The following APBA2 variants were observed in gnomAD, a reference collection of about 807,000 sequenced individuals.
APBA2 encodes the protein amyloid beta precursor protein binding family A member 2.
In APBA2, 30 loss-of-function variants were observed where a neutral mutation model predicts 75.0. That is an observed-to-expected ratio of 0.40 (90% CI 0.30 to 0.54). The LOEUF is 0.54. Among genes scored for constraint, APBA2 ranks in the 20% least tolerant of loss-of-function variants. APBA2 has a pLI of 0.49. For synonymous variants in APBA2, 444 were observed against 409.6 expected (o/e 1.08, Z -1.01); for missense variants, 801 against 1,016.1 (o/e 0.79, Z 2.88).
In APBA2 at chr15:29,045,245, ATT is replaced by A. The variant is rs35591033; in HGVS notation, c.-40-8583_-40-8582del. 3.6e-3 allele frequency among the ~76,000 whole-genome samples: 487 copies of A among 134,274 alleles called. 4 individuals are homozygous for A. Among genetic ancestry groups the A allele is most frequent in the African/African-American group, 0.012 (439 of 35,552 alleles). The allele number at this position is 134,274 out of a possible 152,430, so 88.1% of individuals were successfully genotyped here. On this transcript the variant is annotated intron_variant, in intron 3 of 14. Coordinates refer to ENST00000683413, the MANE Select transcript of APBA2 (RefSeq NM_001353788.2). ...AGGTGCACGCCACCATGCCTGGCTA[ATT>A]TTTTTTTTTTTTTTTTGTATTTTTA...
At position 29,072,592 on chromosome 15, in the gene APBA2, A is replaced by G. The variant is rs115109619; in HGVS notation, c.952-2329A>G. ...TGCAGAAAGGGGCGCTGTCTGCTCC[A>G]CTTGGTCAGTGCAGGGTCTACTGCA... On this transcript the variant is annotated intron_variant, in intron 4 of 14. Transcript: ENST00000683413. Among the ~76,000 whole-genome samples, 688 of 151,898 alleles carry G rather than the reference A, an allele frequency of 4.5e-3. 7 individuals are homozygous for G. Among genetic ancestry groups the G allele is most frequent in the African/African-American group, 0.015 (639 of 41,408 alleles).
At chr15:28,999,462 TG>T (rs1265379016) in intron 3 of APBA2, among the ~76,000 whole-genome samples, 1 of 152,202 alleles carries the variant, frequency 6.6e-6, no homozygotes, top group Non-Finnish European at 1.5e-5. Context: ...AATAGACAAA[TG>T]AACTCTGCCT....
At chr15:28,907,607 G>A (rs2033195763) in intron 1 of APBA2, among the ~76,000 whole-genome samples, 1 of 152,232 alleles carries the variant, frequency 6.6e-6, no homozygotes, top group Non-Finnish European at 1.5e-5. Context: ...CGGTGTCTCT[G>A]CACCTAAGTG....
intron 5 of APBA2, among the ~76,000 whole-genome samples, chr15:29,075,827 C>T (rs1377145820): frequency 6.6e-6 from 1 of 152,078 alleles, no homozygotes; most frequent in East Asian, 1.9e-4. Flanking sequence ...ATATGCTAGT[C>T]TGAGGGCCCC....
chr15:28,966,385 A>AT (rs1472073549), intron 2 of APBA2, among the ~76,000 whole-genome samples: 4 of 152,066 alleles, frequency 2.6e-5, no homozygotes, highest in Non-Finnish European at 5.9e-5. Context: ...GGGGGTACGC[A>AT]TTTAGAATTT....
At chr15:29,027,173 T>A (rs2040263814) in intron 3 of APBA2, among the ~76,000 whole-genome samples, 2 of 152,240 alleles carry the variant, frequency 1.3e-5, no homozygotes, top group African/African-American at 4.8e-5. Flanking sequence ...TATCCTTTCA[T>A]AAAATAAATT....
chr15:28,980,033 A>G (rs1442864341), intron 2 of APBA2, among the ~76,000 whole-genome samples: 1 of 152,210 alleles, frequency 6.6e-6, no homozygotes, highest in African/African-American at 2.4e-5. Flanking sequence ...GCCGGGGTCA[A>G]AGCTGTCTTT....
At chr15:29,032,471 G>A (rs566557039) in intron 3 of APBA2, among the ~76,000 whole-genome samples, 2 of 152,352 alleles carry the variant, frequency 1.3e-5, no homozygotes, top group African/African-American at 4.8e-5. Flanking sequence ...CTGCCCTGCA[G>A]ATTTCAGATT....
At position 28,962,191 on chromosome 15, in the gene APBA2, C is replaced by G. The variant is rs539856672; in HGVS notation, c.-94-33562C>G. 1.8e-3 allele frequency among the ~76,000 whole-genome samples: 278 copies of G among 152,224 alleles called. 1 individual carries two copies. Among genetic ancestry groups the G allele is most frequent in the African/African-American group, 6.4e-3 (264 of 41,518 alleles). On this transcript the variant is annotated intron_variant, in intron 2 of 14. Transcript: ENST00000683413. ...CTGGTGGTAGTGTCTTCATATTGGC[C>G]TCTGAGACCTTCTGACCTGATTCTA...
At chr15:28,992,001 C>T (rs539162449) in intron 2 of APBA2, among the ~76,000 whole-genome samples, 6 of 152,230 alleles carry the variant, frequency 3.9e-5, no homozygotes, top group South Asian at 2.1e-4. Flanking sequence ...TGTGCCTTCC[C>T]GGGACAGCTT....
chr15:29,033,674 C>A (rs553547397), intron 3 of APBA2, among the ~76,000 whole-genome samples: 10 of 152,110 alleles, frequency 6.6e-5, no homozygotes, highest in Non-Finnish European at 1.5e-4. Context: ...AAAGAAGGAA[C>A]ACCTGGCTGG....
At chr15:29,058,115 C>T (rs1019805026) in intron 4 of APBA2, among the ~76,000 whole-genome samples, 2 of 152,206 alleles carry the variant, frequency 1.3e-5, no homozygotes, top group African/African-American at 4.8e-5. Context: ...TGTGACCCCT[C>T]CACCTCCTTT....
intron 2 of APBA2, among the ~76,000 whole-genome samples, chr15:28,928,934 G>A (rs1271589256): frequency 6.6e-6 from 1 of 152,182 alleles, no homozygotes; most frequent in African/African-American, 2.4e-5. Flanking sequence ...TGGCCCTGGA[G>A]GCTCTGTTCC....
intron 5 of APBA2, among the ~76,000 whole-genome samples, chr15:29,075,588 TAACA>T (rs1207006576): frequency 6.6e-6 from 1 of 152,236 alleles, no homozygotes; most frequent in Non-Finnish European, 1.5e-5. Context: ...CAACAGGTTT[TAACA>T]AACAATTTCC....
At chr15:29,116,383 T>C (rs2045139978) in intron 14 of APBA2, among the ~76,000 whole-genome samples, 1 of 151,916 alleles carries the variant, frequency 6.6e-6, no homozygotes, top group Non-Finnish European at 1.5e-5. Context: ...TCCCAGCACT[T>C]TGGGAGGCCG....
Position 29,085,441 on chromosome 15 carries a change from C to T in APBA2, c.1070-7634C>T, listed in dbSNP as rs377736883. The stretch of plus-strand genomic sequence containing the variant: ...TCAGGAGGCTGAGACAGGAGAATGG[C>T]GTGAACCCGGGAGGCGGAGCTTGCA... On this transcript the variant is annotated intron_variant, in intron 6 of 14. Transcript: ENST00000683413. 4.7e-5 allele frequency among the ~76,000 whole-genome samples: 7 copies of T among 148,808 alleles called. No individual in the cohort carries two copies. In the East Asian group the frequency reaches 8.0e-4, roughly 17 times the overall value.
chr15:28,931,899 G>A (rs2034583756), intron 2 of APBA2, among the ~76,000 whole-genome samples: 1 of 152,220 alleles, frequency 6.6e-6, no homozygotes, highest in South Asian at 2.1e-4. Context: ...ATGCACAGAC[G>A]TTCAAGTGGA....
chr15:29,042,728 G>C (rs548189147), intron 3 of APBA2, among the ~76,000 whole-genome samples: 1 of 152,058 alleles, frequency 6.6e-6, no homozygotes, highest in Non-Finnish European at 1.5e-5. Flanking sequence ...AAATCACAGG[G>C]CAACAAGCAG....
intron 5 of APBA2, among the ~76,000 whole-genome samples, chr15:29,075,589 A>G (rs1042290377): frequency 6.6e-6 from 1 of 152,210 alleles, no homozygotes; most frequent in Non-Finnish European, 1.5e-5. Context: ...AACAGGTTTT[A>G]ACAAACAATT....
Sources: gnomAD v4.1 joint callset for allele counts (sites outside exome capture counted in the v4.1 genomes callset) on GRCh38, gnomAD v4.1.1 for gene constraint, MANE v1.5 for transcripts, NCBI Gene and HGNC (gene_info 2026-07-23, HGNC 2026-07-21) for gene names.